Variants in DNAAF9 observed in about 807,000 individuals in gnomAD.
The protein encoded by DNAAF9 is dynein axonemal assembly factor 9, also known as shulin.
In DNAAF9, 90 loss-of-function variants were observed where a neutral mutation model predicts 167.0. That is an observed-to-expected ratio of 0.54 (90% CI 0.45 to 0.64). The LOEUF (loss-of-function observed/expected upper bound fraction) is 0.64, where lower values mean the gene tolerates loss of function less well. Ranked by LOEUF, DNAAF9 falls within the 30% of genes least tolerant of loss-of-function variation. DNAAF9 has a pLI of 0.00. For synonymous variants in DNAAF9, 491 were observed against 508.8 expected (o/e 0.96, Z 0.47); for missense variants, 1,315 against 1,442.2 (o/e 0.91, Z 1.43).
chr20:3,342,786 A>G (rs917452217), intron 9 of DNAAF9, among the ~76,000 whole-genome samples: 2 of 152,164 alleles, frequency 1.3e-5, no homozygotes, highest in Non-Finnish European at 2.9e-5. Context: ...GAGAGAAGAA[A>G]TGTCCTCTCT....
In DNAAF9 at chr20:3,281,703, G is replaced by A. The variant is rs776521156; in HGVS notation, c.2550C>T (p.Ala850=). ...CTGTGATGGCACCAATGGTGAAGGA[G>A]GCCTTGACATTTGAGTCTGGGTGGG... The part of the protein sequence containing the change: ...LQTHPDSNVK[A]SFTIGAITAC... The change falls in exon 28 of 37, where the codon GCC becomes GCT. Residue 850 remains alanine, a synonymous_variant. Transcript: ENST00000252032. The A allele has an allele frequency of 1.9e-6, 3 of 1,612,704 alleles. No individual in the cohort carries two copies. Among genetic ancestry groups the A allele is most frequent in the Admixed American group, 1.7e-5 (1 of 59,862 alleles).
At chr20:3,285,403 G>T (rs2122880151) in intron 27 of DNAAF9, among the ~76,000 whole-genome samples, 1 of 152,046 alleles carries the variant, frequency 6.6e-6, no homozygotes, top group South Asian at 2.1e-4. Context: ...CAGGAACTGG[G>T]CGCGGTGGCT....
chr20:3,375,882 C>G (rs1347070603), intron 4 of DNAAF9, among the ~76,000 whole-genome samples: 1 of 151,198 alleles, frequency 6.6e-6, no homozygotes, highest in East Asian at 1.9e-4. Flanking sequence ...AGTCCCTAGG[C>G]ACTAATCCCC....
intron 1 of DNAAF9, among the ~76,000 whole-genome samples, chr20:3,386,795 C>A (rs1226103393): frequency 1.3e-5 from 2 of 151,328 alleles, no homozygotes; most frequent in Non-Finnish European, 2.9e-5. Context: ...AGAAAATGGG[C>A]AAAAGGTATA....
At chr20:3,290,537 C>T (rs143237964) in intron 25 of DNAAF9, among the ~76,000 whole-genome samples, 2 of 152,290 alleles carry the variant, frequency 1.3e-5, no homozygotes, top group African/African-American at 4.8e-5. Context: ...AGTTAAAATA[C>T]AATGCATTAA....
chr20:3,377,865 G>A (rs923325811), intron 3 of DNAAF9, among the ~76,000 whole-genome samples: 8 of 152,130 alleles, frequency 5.3e-5, no homozygotes, highest in East Asian at 1.9e-4. Flanking sequence ...GCTTGAACTC[G>A]TTTTTCAAGT....
intron 36 of DNAAF9, among the ~76,000 whole-genome samples, chr20:3,253,291 A>C (rs1002157492): frequency 6.6e-6 from 1 of 152,120 alleles, no homozygotes; most frequent in East Asian, 1.9e-4. Flanking sequence ...AAAATACAAA[A>C]TTAGCCGGGC....
intron 3 of DNAAF9, among the ~76,000 whole-genome samples, chr20:3,378,375 G>A (rs2083603731): frequency 6.6e-6 from 1 of 152,336 alleles, no homozygotes. Context: ...AGACTGGGAG[G>A]AAGGAAGTAG....
In DNAAF9 at chr20:3,319,205, G is replaced by A. The variant is rs142772254; in HGVS notation, c.1357-805C>T. Among the ~76,000 whole-genome samples the A allele has an allele frequency of 5.1e-3, 702 of 136,592 alleles. 2 individuals carry two copies. Among genetic ancestry groups the A allele is most frequent in the Middle Eastern group, 8.6e-3 (2 of 232 alleles). 89.6% of individuals were successfully genotyped at this position (136,592 alleles called of 152,430 possible). On this transcript the variant is annotated intron_variant, in intron 16 of 36. Coordinates refer to ENST00000252032, the MANE Select transcript of DNAAF9 (RefSeq NM_001009984.3). ...TTGAGCCCAGGAGGTTGAGGCTGCA[G>A]TGATCTATGATCATGCCACTGCACT...
rs560117061 is a variant in DNAAF9 at position 3,340,638 on chromosome 20, G to A, written c.847C>T (p.Pro283Ser). The A allele has an allele frequency of 6.2e-7, 1 of 1,613,944 alleles. No homozygotes were observed. The highest frequency in any genetic ancestry group is 1.3e-5 in the African/African-American group (1 of 75,022). ...MISSHITENSPNRQPFVLFGN... is the reference protein window; with the variant it reads ...MISSHITENSSNRQPFVLFGN... ...AAGAGAACAAATGGCTGCCGGTTAG[G>A]GCTAGAGAGGGAAGTCAAAAACATG... is the stretch of plus-strand genomic sequence containing the variant. Residue 283 changes from proline (P) to serine (S), a missense_variant and splice_region_variant, in exon 10 of 37, where the codon CCT becomes TCT. Physicochemically the swap from Pro to Ser is moderately conservative, Grantham distance 74. Transcript: ENST00000252032.
rs753673518 is a variant in DNAAF9, at chr20:3,278,982, C to T, written c.2613-33G>A. ...GAAAAAAGGGGGAAATATTTAAAAA[C>T]CATTCACCTCAGAGTTGTCACTGAT... On this transcript the variant is annotated intron_variant, in intron 28 of 36. Transcript: ENST00000252032. The T allele has an allele frequency of 2.0e-6, 3 of 1,485,656 alleles. No homozygotes were observed. In the Admixed American group the frequency reaches 5.1e-5, roughly 25 times the overall value. The allele number at this position is 1,485,656 out of a possible 1,614,324, so 92.0% of individuals were successfully genotyped here. A position where few individuals can be genotyped will look rare whatever the true frequency, so the allele number is the denominator to read the frequency against.
intron 28 of DNAAF9, among the ~76,000 whole-genome samples, chr20:3,280,779 T>G (rs1423076197): frequency 6.6e-6 from 1 of 151,384 alleles, no homozygotes; most frequent in East Asian, 2.0e-4. Flanking sequence ...CCACACCTGG[T>G]TAATTTATTT....
intron 17 of DNAAF9, 39 bp downstream of exon 17, chr20:3,318,250 A>AAAAT: frequency 1.2e-6 from 1 of 806,028 alleles, no homozygotes; most frequent in Non-Finnish European, 2.0e-6. Context: ...AAAAAAAAAA[A>AAAAT]GGCTTAAGGT....
chr20:3,388,864 ATGG>A (rs933449139), intron 1 of DNAAF9, among the ~76,000 whole-genome samples: 3 of 151,022 alleles, frequency 2.0e-5, no homozygotes, highest in African/African-American at 7.3e-5. Context: ...GTGTGGATGG[ATGG>A]TGGTGATTTT....
rs538096736 is a variant in DNAAF9 at position 3,346,153 on chromosome 20, T to C, written c.789+2372A>G. On this transcript the variant is annotated intron_variant, in intron 8 of 36. Coordinates refer to ENST00000252032, the MANE Select transcript of DNAAF9 (RefSeq NM_001009984.3). ...TGTGAGACTGAAAATTTTTAAAGTA[T>C]GACAATACATTCTATTGGTGAAGTT... 7.2e-5 allele frequency among the ~76,000 whole-genome samples: 11 copies of C among 152,356 alleles called. 1 individual carries two copies. Among genetic ancestry groups the C allele is most frequent in the East Asian group, 5.8e-4 (3 of 5,186 alleles).
chr20:3,268,896 A>ATTTTTTTTTTTTT (rs1649924645), intron 30 of DNAAF9, among the ~76,000 whole-genome samples: 1 of 80,840 alleles, frequency 1.2e-5, no homozygotes, highest in African/African-American at 4.7e-5. Flanking sequence ...TCTCTATGTT[A>ATTTTTTTTTTTTT]CTTTTTTTTT....
At position 3,287,666 on chromosome 20, in the gene DNAAF9, G is replaced by A. The variant is rs200116569; in HGVS notation, c.2452C>T (p.Arg818Cys). 19 of 1,614,126 alleles carry A rather than the reference G, an allele frequency of 1.2e-5. No homozygotes were observed. Among genetic ancestry groups the A allele is most frequent in the African/African-American group, 5.3e-5 (4 of 74,942 alleles). The change falls in exon 27 of 37, where the codon CGC becomes TGC. Residue 818 changes from arginine to cysteine, a missense_variant. By Grantham distance (180) the Arg-to-Cys change is radical. Coordinates refer to ENST00000252032, the MANE Select transcript of DNAAF9 (RefSeq NM_001009984.3). ...ACCACCAGCAGTCTGGTCTTCTTGC[G>A]GATGTAGGCTGACTGGCGCGCAGAG... is the stretch of plus-strand genomic sequence containing the variant. ...NRSARQSAYI[R>C]KKTRLLVVLQ...
At chr20:3,270,351 A>G in intron 30 of DNAAF9, 76 bp downstream of exon 30, 1 of 1,395,786 alleles carries the variant, frequency 7.2e-7, no homozygotes, top group African/African-American at 1.4e-5. Flanking sequence ...GATACAGTAG[A>G]AAGACTCTGT....
At chr20:3,291,631 C>T (rs997462131) in intron 25 of DNAAF9, among the ~76,000 whole-genome samples, 1 of 152,180 alleles carries the variant, frequency 6.6e-6, no homozygotes. Context: ...GCGTGAGCCA[C>T]CAGCCCAGCC....
Sources: gnomAD v4.1 joint callset for allele counts (sites outside exome capture counted in the v4.1 genomes callset) on GRCh38, gnomAD v4.1.1 for gene constraint, MANE v1.5 for transcripts, NCBI Gene and HGNC (gene_info 2026-07-23, HGNC 2026-07-21) for gene names.